The following DDX42 variants were observed in gnomAD, a reference collection of about 807,000 sequenced individuals.
The protein encoded by DDX42 is DEAD-box helicase 42.
Under a neutral mutation model 101.5 loss-of-function variants are expected in DDX42, and 22 were observed. That is an observed-to-expected ratio of 0.22 (90% CI 0.15 to 0.31). The LOEUF (loss-of-function observed/expected upper bound fraction) is 0.31, where lower values mean the gene tolerates loss of function less well. Ranked by LOEUF, DDX42 falls within the 10% of genes least tolerant of loss-of-function variation. The probability of loss-of-function intolerance (pLI) is 1.00; values close to 1 mark genes in which losing one functional copy is unlikely to be tolerated. For synonymous variants in DDX42, 402 were observed against 401.2 expected (o/e 1.00, Z -0.02); for missense variants, 849 against 1,199.9 (o/e 0.71, Z 4.32).
At chr17:63,778,910 A>T (rs1402897099) in intron 1 of DDX42, among the ~76,000 whole-genome samples, 3 of 151,578 alleles carry the variant, frequency 2.0e-5, no homozygotes, top group East Asian at 1.9e-4. Flanking sequence ...ATAATCAGAA[A>T]TTTTTTTTTA....
chr17:63,790,206 T>C (rs1032899596), intron 2 of DDX42, among the ~76,000 whole-genome samples: 2 of 152,204 alleles, frequency 1.3e-5, no homozygotes, highest in Admixed American at 1.3e-4. Context: ...TGAGTAAATA[T>C]GTGTATATAT....
At chr17:63,791,125 G>C (rs2039622910) in intron 2 of DDX42, among the ~76,000 whole-genome samples, 1 of 151,952 alleles carries the variant, frequency 6.6e-6, no homozygotes, top group Non-Finnish European at 1.5e-5. Context: ...ATTAATATTT[G>C]GTTATATTAC....
chr17:63,804,353 T>C (rs969845344), intron 6 of DDX42, among the ~76,000 whole-genome samples: 2 of 152,136 alleles, frequency 1.3e-5, no homozygotes, highest in African/African-American at 4.8e-5. Flanking sequence ...TTTGTATACC[T>C]ACTACACTAA....
chr17:63,787,642 C>T (rs909597461), intron 2 of DDX42, among the ~76,000 whole-genome samples: 1 of 152,074 alleles, frequency 6.6e-6, no homozygotes, highest in African/African-American at 2.4e-5. Context: ...AGTTTGAGAA[C>T]AGCCTGGCCA....
At chr17:63,782,001 C>T (rs1350331115) in intron 1 of DDX42, among the ~76,000 whole-genome samples, 2 of 151,654 alleles carry the variant, frequency 1.3e-5, no homozygotes, top group African/African-American at 2.4e-5. Context: ...CAGAGTGAGA[C>T]TCCGTCTCAA....
At chr17:63,799,921 G>A (rs1360484936) in intron 5 of DDX42, among the ~76,000 whole-genome samples, 1 of 152,166 alleles carries the variant, frequency 6.6e-6, no homozygotes, top group African/African-American at 2.4e-5. Flanking sequence ...AAATCAAGTG[G>A]TAGAGTAGTG....
At chr17:63,799,356 TC>T (rs2039733354) in intron 4 of DDX42, 1 of 408,890 alleles carries the variant, frequency 2.4e-6, no homozygotes, top group African/African-American at 2.0e-5. Flanking sequence ...AACCGCTGTT[TC>T]TAGGGGTATC....
chr17:63,785,256 G>C (rs1373386742), intron 1 of DDX42, among the ~76,000 whole-genome samples: 1 of 148,298 alleles, frequency 6.7e-6, no homozygotes, highest in Non-Finnish European at 1.5e-5. Flanking sequence ...ATCACTTGAG[G>C]CCAGGAGTTC....
At chr17:63,811,715 A>T in intron 13 of DDX42, 1 of 640,198 alleles carries the variant, frequency 1.6e-6, no homozygotes, top group Non-Finnish European at 2.8e-6. Context: ...TCTACAAAGT[A>T]GTGGGGCATA....
intron 9 of DDX42, 25 bp downstream of exon 9, chr17:63,807,925 C>T: frequency 6.3e-7 from 1 of 1,596,614 alleles, no homozygotes; most frequent in South Asian, 1.1e-5. Context: ...TAGAATGCCT[C>T]CTTCCATATG....
intron 1 of DDX42, among the ~76,000 whole-genome samples, chr17:63,784,848 A>G (rs1363710964): frequency 1.3e-5 from 2 of 152,194 alleles, no homozygotes; most frequent in Non-Finnish European, 2.9e-5. Context: ...TCCTAAGGAA[A>G]TAATTGAAGG....
chr17:63,776,337 C>G (rs1191157904), intron 1 of DDX42: 1 of 152,376 alleles, frequency 6.6e-6, no homozygotes, highest in Non-Finnish European at 1.5e-5. Flanking sequence ...GTCTGCACGT[C>G]TCTACCCAGC....
rs1431664296 is a variant in DDX42 at position 63,818,948 on chromosome 17, C to T, written c.*550C>T. 6.5e-6 allele frequency: 1 copy of T among 154,128 alleles called. No individual in the cohort carries two copies. Among genetic ancestry groups the T allele is most frequent in the Non-Finnish European group, 1.4e-5 (1 of 69,136 alleles). 9.5% of individuals were successfully genotyped at this position (154,128 alleles called of 1,614,324 possible). On this transcript the variant is annotated 3_prime_UTR_variant, in exon 18 of 18. Coordinates refer to ENST00000389924, the MANE Select transcript of DDX42 (RefSeq NM_203499.3). ...GTCCCCAGCCAGGTTTGCATCCAGC[C>T]CTGAGACATGTAGGAAACACCTTTC...
intron 6 of DDX42, among the ~76,000 whole-genome samples, chr17:63,803,567 CAA>C (rs1165590235): frequency 1.7e-3 from 76 of 44,248 alleles, no homozygotes; most frequent in African/African-American, 5.4e-3. Flanking sequence ...GACTCCATCT[CAA>C]AAAAAAAAAA....
At chr17:63,780,259 G>A (rs1022814743) in intron 1 of DDX42, among the ~76,000 whole-genome samples, 7 of 151,170 alleles carry the variant, frequency 4.6e-5, no homozygotes, top group African/African-American at 1.7e-4. Flanking sequence ...TTGCGCCATT[G>A]CACTCCAGCC....
At chr17:63,808,282 A>G (rs1482178309) in intron 9 of DDX42, among the ~76,000 whole-genome samples, 2 of 152,228 alleles carry the variant, frequency 1.3e-5, no homozygotes, top group Non-Finnish European at 2.9e-5. Flanking sequence ...GTTTCAAGCA[A>G]TTCTCCTGCC....
At chr17:63,776,140 A>G (rs543692142) in intron 1 of DDX42, 1 of 152,342 alleles carries the variant, frequency 6.6e-6, no homozygotes, top group East Asian at 1.9e-4. Context: ...ACAAGTGATA[A>G]AGTAATGTGG....
At chr17:63,814,590 G>C (rs1739109879) in intron 15 of DDX42, among the ~76,000 whole-genome samples, 1 of 151,164 alleles carries the variant, frequency 6.6e-6, no homozygotes, top group South Asian at 2.1e-4. Flanking sequence ...CTTTGTCCAA[G>C]CCTGCTGCCC....
chr17:63,817,518 A>G, intron 17 of DDX42, 176 bp from the exon 18 acceptor site: 1 of 614,346 alleles, frequency 1.6e-6, no homozygotes. Flanking sequence ...GAGATCCACA[A>G]GTTTTCCTTT....
Sources: gnomAD v4.1 joint callset for allele counts (sites outside exome capture counted in the v4.1 genomes callset) on GRCh38, gnomAD v4.1.1 for gene constraint, MANE v1.5 for transcripts, NCBI Gene and HGNC (gene_info 2026-07-23, HGNC 2026-07-21) for gene names.